CDH13: variants seen among roughly 807,000 people sequenced by gnomAD.
CDH13 encodes cadherin 13, also known as cadherin-13.
CDH13 carries 24 observed loss-of-function variants against 63.8 expected under a neutral mutation model. The observed-to-expected ratio is 0.38, with a 90% CI of 0.27 to 0.53. The LOEUF is 0.53. Among genes scored for constraint, CDH13 ranks in the 20% least tolerant of loss-of-function variants. CDH13 has a pLI of 0.85. For synonymous variants in CDH13, 503 were observed against 355.3 expected, an observed-to-expected ratio of 1.42 and a Z score of -4.67; for missense variants, 1,049 against 903.1, an observed-to-expected ratio of 1.16 and a Z score of -2.07.
rs115174657 is a variant in CDH13, at chr16:83,160,209, T to C, written c.483+34708T>C. On this transcript the variant is annotated intron_variant, in intron 4 of 13. Coordinates refer to ENST00000567109, the MANE Select transcript of CDH13 (RefSeq NM_001257.5). ...TGTTTGGGTGAAAATGATGTGTCAA[T>C]GTAGGTTCAATGACTGTATCAAATG... Among the ~76,000 whole-genome samples, 1,126 of 152,278 alleles carry C rather than the reference T, an allele frequency of 7.4e-3. 10 individuals are homozygous for C. Among genetic ancestry groups the C allele is most frequent in the African/African-American group, 0.026 (1,085 of 41,552 alleles).
chr16:83,617,340 G>A (rs561120840), intron 8 of CDH13, among the ~76,000 whole-genome samples: 14 of 152,040 alleles, frequency 9.2e-5, no homozygotes, highest in East Asian at 1.9e-4. Flanking sequence ...TATATGCTGC[G>A]TATAAGTAAT....
intron 1 of CDH13, among the ~76,000 whole-genome samples, chr16:82,638,141 C>A (rs1908915763): frequency 6.6e-6 from 1 of 152,140 alleles, no homozygotes; most frequent in South Asian, 2.1e-4. Context: ...TTCTTTCTTC[C>A]CTTAAATGTT....
At chr16:83,120,823 G>A (rs941707617) in intron 3 of CDH13, among the ~76,000 whole-genome samples, 6 of 144,638 alleles carry the variant, frequency 4.1e-5, no homozygotes, top group African/African-American at 1.6e-4. Flanking sequence ...GAGTACAGTG[G>A]CGCGATCTCA....
At chr16:83,470,825 G>C (rs981514555) in intron 6 of CDH13, among the ~76,000 whole-genome samples, 2 of 152,178 alleles carry the variant, frequency 1.3e-5, no homozygotes, top group East Asian at 1.9e-4. Flanking sequence ...CATATTTATG[G>C]TTTAAAATGT....
intron 3 of CDH13, among the ~76,000 whole-genome samples, chr16:83,111,235 T>C (rs556956100): frequency 1.5e-4 from 23 of 151,842 alleles, no homozygotes; most frequent in African/African-American, 5.6e-4. Flanking sequence ...GCTTATGGTC[T>C]TGGGAGGAGT....
In CDH13 at chr16:82,860,398, GGC is replaced by G. The variant is rs1491324266; in HGVS notation, c.157+1927_157+1928del. Among the ~76,000 whole-genome samples, 13 of 124,490 alleles carry G rather than the reference GGC, an allele frequency of 1.0e-4. 1 individual carries two copies. The highest frequency in any genetic ancestry group is 2.8e-4 in the African/African-American group (9 of 32,618). 81.7% of individuals were successfully genotyped at this position (124,490 alleles called of 152,430 possible). ...TTGTGTGTGTGTGTGTGGGGGGGGG[GGC>G]GGCGGTGTGCGTGTGTGCTTTAATC... On this transcript the variant is annotated intron_variant, in intron 2 of 13. Transcript: ENST00000567109.
At chr16:82,716,345 C>CAG (rs963831200) in intron 1 of CDH13, among the ~76,000 whole-genome samples, 3 of 151,666 alleles carry the variant, frequency 2.0e-5, no homozygotes, top group African/African-American at 4.8e-5. Context: ...GTCACCTTTG[C>CAG]AGAGAGAGAG....
intron 2 of CDH13, among the ~76,000 whole-genome samples, chr16:82,930,039 C>G (rs1218703657): frequency 1.1e-5 from 1 of 94,752 alleles, no homozygotes; most frequent in Non-Finnish European, 2.1e-5. Flanking sequence ...TAGTTTGTCT[C>G]TTTTTTTTTT....
intron 8 of CDH13, among the ~76,000 whole-genome samples, chr16:83,656,021 A>G (rs1912837759): frequency 6.6e-6 from 1 of 152,128 alleles, no homozygotes; most frequent in Admixed American, 6.5e-5. Context: ...CATTACCACT[A>G]TCTAAGGCTG....
intron 2 of CDH13, among the ~76,000 whole-genome samples, chr16:82,875,966 C>T (rs900660694): frequency 6.6e-6 from 1 of 152,146 alleles, no homozygotes; most frequent in Admixed American, 6.5e-5. Flanking sequence ...AGGTAAAAAG[C>T]ATGGAGGAGC....
intron 1 of CDH13, among the ~76,000 whole-genome samples, chr16:82,667,587 G>T (rs1355444161): frequency 2.6e-5 from 4 of 152,164 alleles, no homozygotes; most frequent in Non-Finnish European, 5.9e-5. Flanking sequence ...GAGGCTCTCA[G>T]TTCAGAGAGG....
intron 6 of CDH13, among the ~76,000 whole-genome samples, chr16:83,459,767 G>C (rs1360216164): frequency 6.6e-6 from 1 of 152,208 alleles, no homozygotes; most frequent in African/African-American, 2.4e-5. Flanking sequence ...GAGGTGAAAG[G>C]AAGGATCTAG....
At chr16:82,894,472 T>C (rs1450659614) in intron 2 of CDH13, among the ~76,000 whole-genome samples, 1 of 151,996 alleles carries the variant, frequency 6.6e-6, no homozygotes, top group African/African-American at 2.4e-5. Flanking sequence ...TGAAACGTCA[T>C]CTCTACTAAT....
chr16:83,571,544 T>G (rs1197905211), intron 7 of CDH13, among the ~76,000 whole-genome samples: 2 of 152,138 alleles, frequency 1.3e-5, no homozygotes, highest in Non-Finnish European at 2.9e-5. Context: ...GCCCCGAGTT[T>G]GTACTCCCAG....
At chr16:83,046,934 C>G (rs578196375) in intron 3 of CDH13, among the ~76,000 whole-genome samples, 11 of 152,178 alleles carry the variant, frequency 7.2e-5, no homozygotes, top group Non-Finnish European at 1.6e-4. Flanking sequence ...TCCCTTTCCC[C>G]GATGGCTACA....
intron 1 of CDH13, among the ~76,000 whole-genome samples, chr16:82,794,602 A>G (rs1490586772): frequency 6.6e-6 from 1 of 152,162 alleles, no homozygotes; most frequent in African/African-American, 2.4e-5. Flanking sequence ...ATATTTGACG[A>G]CAACGGAATC....
intron 8 of CDH13, among the ~76,000 whole-genome samples, chr16:83,620,734 T>C (rs1470265177): frequency 6.6e-6 from 1 of 152,198 alleles, no homozygotes; most frequent in Non-Finnish European, 1.5e-5. Flanking sequence ...CACCGATTCC[T>C]TCCCTGAGGT....
intron 4 of CDH13, among the ~76,000 whole-genome samples, chr16:83,145,630 G>A (rs891480064): frequency 2.0e-5 from 3 of 152,110 alleles, no homozygotes; most frequent in African/African-American, 7.2e-5. Flanking sequence ...TTTTTTCTTT[G>A]AAGAACATTC....
intron 2 of CDH13, among the ~76,000 whole-genome samples, chr16:82,914,451 G>A (rs2041923821): frequency 6.6e-6 from 1 of 152,126 alleles, no homozygotes; most frequent in South Asian, 2.1e-4. Flanking sequence ...AGTGGAATAG[G>A]CCAGTTTTGT....
Sources: gnomAD v4.1 joint callset for allele counts (sites outside exome capture counted in the v4.1 genomes callset) on GRCh38, gnomAD v4.1.1 for gene constraint, MANE v1.5 for transcripts, NCBI Gene and HGNC (gene_info 2026-07-23, HGNC 2026-07-21) for gene names.